Variants in GFI1B observed in about 807,000 individuals in gnomAD.
GFI1B encodes zinc finger protein Gfi-1b.
In GFI1B, 20 loss-of-function variants were observed where a neutral mutation model predicts 35.3. That is an observed-to-expected ratio of 0.57 (90% CI 0.40 to 0.82). The LOEUF (loss-of-function observed/expected upper bound fraction) is 0.82, where lower values mean the gene tolerates loss of function less well. GFI1B is among the 40% of genes least tolerant of loss of function. GFI1B has a pLI of 0.00. For synonymous variants in GFI1B, 178 were observed against 177.6 expected, an observed-to-expected ratio of 1.00 and a Z score of -0.02; for missense variants, 430 against 446.3, an observed-to-expected ratio of 0.96 and a Z score of 0.33.
At chr9:132,958,817 A>T (rs1291956578) in intron 1 of GFI1B, among the ~76,000 whole-genome samples, 3 of 152,308 alleles carry the variant, frequency 2.0e-5, no homozygotes. Flanking sequence ...TGCCAGAGAG[A>T]CAGGCCCAGT....
At chr9:132,975,538 T>C (rs1291964300), upstream of GFI1B, among the ~76,000 whole-genome samples, 2 of 152,204 alleles carry the variant, frequency 1.3e-5, no homozygotes, top group Non-Finnish European at 2.9e-5. Context: ...ATACTATGTT[T>C]ATATCACAGC....
At chr9:132,992,966 T>G (rs1849327301), downstream of GFI1B, among the ~76,000 whole-genome samples, 1 of 151,146 alleles carries the variant, frequency 6.6e-6, no homozygotes, top group Non-Finnish European at 1.5e-5. Flanking sequence ...ATTTTACAGA[T>G]GGGGCAACTG....
Position 132,989,187 on chromosome 9 carries a change from G to C in GFI1B, c.637G>C (p.Val213Leu). The change falls in exon 5 of 7, where the codon GTC becomes CTC. Residue 213 changes from valine to leucine, a missense_variant. Transcript: ENST00000372122. The surrounding 1 kb of genome is among the most constrained non-coding windows in gnomAD (Gnocchi z 6.2). ...HAVSLEQHTH[V>L]HSQERSFECR... ...TGTGAGCCTGGAGCAGCACACGCAC[G>C]TCCACTCCCAGGTGGGCACCTGGCC... 6.2e-7 allele frequency: 1 copy of C among 1,613,180 alleles called. No individual in the cohort carries two copies. Among genetic ancestry groups the C allele is most frequent in the Non-Finnish European group, 8.5e-7 (1 of 1,179,704 alleles).
At position 132,987,301 on chromosome 9, in the gene GFI1B, A is replaced by C. The variant is rs748361298; in HGVS notation, c.120A>C (p.Pro40=). 1.2e-6 allele frequency: 2 copies of C among 1,614,018 alleles called. No homozygotes were observed. Among genetic ancestry groups the C allele is most frequent in the Non-Finnish European group, 1.7e-6 (2 of 1,180,002 alleles). The change falls in exon 3 of 7, where the codon CCA becomes CCC. Residue 40 remains proline, a synonymous_variant. Coordinates refer to ENST00000372122, the MANE Select transcript of GFI1B (RefSeq NM_001377304.1). ...ALTPVPRDQA[P]SNSPVLSTLF... The stretch of plus-strand genomic sequence containing the variant: ...CCACAGTGCCCAGAGACCAGGCTCC[A>C]AGCAACAGCCCTGTCCTTAGCACTC...
At chr9:132,950,406 G>A (rs1588403176) in intron 1 of GFI1B, among the ~76,000 whole-genome samples, 2 of 151,982 alleles carry the variant, frequency 1.3e-5, no homozygotes, top group South Asian at 4.2e-4. Flanking sequence ...TACTCAGGTT[G>A]TGCTTATGGG....
rs1849160725 is a variant in GFI1B at position 132,988,396 on chromosome 9, T to C, written c.438T>C (p.Thr146=). The change falls in exon 4 of 7, where the codon ACT becomes ACC. Residue 146 remains threonine, a synonymous_variant. Transcript: ENST00000372122. ...SLYGSPLVPS[T]EPALDFSLRY... ...ACGGCAGTCCTCTTGTGCCCAGCAC[T>C]GAGCCCGCCTTGGACTTCAGCCTCC... is the stretch of plus-strand genomic sequence containing the variant. 2 of 1,614,156 alleles carry C rather than the reference T, an allele frequency of 1.2e-6. No homozygotes were observed. Among genetic ancestry groups the C allele is most frequent in the Non-Finnish European group, 1.7e-6 (2 of 1,179,990 alleles).
chr9:132,969,817 T>C (rs1233604652), intron 1 of GFI1B, among the ~76,000 whole-genome samples: 1 of 152,186 alleles, frequency 6.6e-6, no homozygotes. Flanking sequence ...CCATCATCCT[T>C]GGTGAAAGGA....
chr9:132,963,843 T>C (rs1001814838), intron 1 of GFI1B: 2 of 152,156 alleles, frequency 1.3e-5, no homozygotes, highest in African/African-American at 4.8e-5. Flanking sequence ...GAATAAACTA[T>C]GGCGCAGTAA....
At chr9:132,964,270 T>C (rs1330901589) in intron 1 of GFI1B, among the ~76,000 whole-genome samples, 1 of 152,082 alleles carries the variant, frequency 6.6e-6, no homozygotes, top group Non-Finnish European at 1.5e-5. Flanking sequence ...AATAAAAACC[T>C]ATAATGCTGA....
intron 1 of GFI1B, among the ~76,000 whole-genome samples, chr9:132,984,770 C>T (rs887783612): frequency 3.4e-4 from 51 of 152,176 alleles, no homozygotes; most frequent in Non-Finnish European, 7.3e-5. Context: ...TGAGCTTGGC[C>T]CCCTGTGCAG....
intron 1 of GFI1B, among the ~76,000 whole-genome samples, chr9:132,948,270 C>G (rs73552896): frequency 1.3e-3 from 197 of 152,178 alleles, no homozygotes; most frequent in African/African-American, 3.6e-3. Context: ...CCTCTCCCTT[C>G]CCCCGTCCTA....
In GFI1B at chr9:132,989,716, C is replaced by A; in HGVS notation, c.649-26C>A. On this transcript the variant is annotated intron_variant, in intron 5 of 6. Coordinates refer to ENST00000372122, the MANE Select transcript of GFI1B (RefSeq NM_001377304.1). This position sits in a 1 kb window ranked among gnomAD's most constrained non-coding sequence, Gnocchi z 6.2. ...TCCAGTCCTGAGCCTGCACCTGACC[C>A]CCCGGGGCCTCATTTCCTCCGGCAG... 1 of 1,608,084 alleles carries A rather than the reference C, an allele frequency of 6.2e-7. No homozygotes were observed. Among genetic ancestry groups the A allele is most frequent in the African/African-American group, 1.3e-5 (1 of 74,898 alleles).
intron 1 of GFI1B, chr9:132,951,795 T>C (rs1005720447): frequency 2.6e-5 from 4 of 152,178 alleles, no homozygotes; most frequent in African/African-American, 9.7e-5. Context: ...TTTGAGACAG[T>C]GTCTCACTCC....
intron 1 of GFI1B, among the ~76,000 whole-genome samples, chr9:132,982,770 AGC>A (rs1848874206): frequency 6.6e-6 from 1 of 151,680 alleles, no homozygotes; most frequent in Non-Finnish European, 1.5e-5. Flanking sequence ...CCCCTCTGTG[AGC>A]CAGAGGGCTT....
intron 6 of GFI1B, among the ~76,000 whole-genome samples, chr9:132,990,114 A>G (rs954807060): frequency 7.2e-5 from 11 of 152,242 alleles, no homozygotes; most frequent in African/African-American, 2.2e-4. Flanking sequence ...CAAAATCTCA[A>G]CACTGTTGAT....
At chr9:132,967,134 T>A (rs1848461900) in intron 1 of GFI1B, among the ~76,000 whole-genome samples, 1 of 152,160 alleles carries the variant, frequency 6.6e-6, no homozygotes. Context: ...CCACCTGTAC[T>A]CTCTCTGTCT....
chr9:132,947,633 A>C (rs924712805), intron 1 of GFI1B, among the ~76,000 whole-genome samples: 12 of 151,728 alleles, frequency 7.9e-5, no homozygotes, highest in African/African-American at 2.9e-4. Context: ...ACATGGTGAA[A>C]CCCTGTCTCT....
intron 2 of GFI1B, among the ~76,000 whole-genome samples, chr9:132,972,992 A>T (rs1023082004): frequency 6.6e-6 from 1 of 152,212 alleles, no homozygotes; most frequent in South Asian, 2.1e-4. Flanking sequence ...ACTGCTGTCC[A>T]CCCTTCAGCG....
Position 132,989,943 on chromosome 9 carries a change from G to A in GFI1B, c.814+36G>A, listed in dbSNP as rs764254137. 1 of 1,584,818 alleles carries A rather than the reference G, an allele frequency of 6.3e-7. No homozygotes were observed. The highest frequency in any genetic ancestry group is 1.3e-5 in the African/African-American group (1 of 74,482). ...CTCACCTGCCTGTGCCCCCTGGGCA[G>A]AGCACCCCCACCTTTCCCTGAGAGA... On this transcript the variant is annotated intron_variant, in intron 6 of 6. Coordinates refer to ENST00000372122, the MANE Select transcript of GFI1B (RefSeq NM_001377304.1). The surrounding 1 kb of genome is among the most constrained non-coding windows in gnomAD (Gnocchi z 6.2).
Sources: gnomAD v4.1 joint callset for allele counts (sites outside exome capture counted in the v4.1 genomes callset) on GRCh38, gnomAD v4.1.1 for gene constraint, Gnocchi (gnomAD v3.1) non-coding constraint, MANE v1.5 for transcripts, NCBI Gene and HGNC (gene_info 2026-07-23, HGNC 2026-07-21) for gene names.